EXT2: variants seen among roughly 807,000 people sequenced by gnomAD.
EXT2 encodes exostosin-2.
A neutral mutation model predicts 81.6 loss-of-function variants in EXT2; 53 were observed. That is an observed-to-expected ratio of 0.65 (90% CI 0.52 to 0.82). The LOEUF (loss-of-function observed/expected upper bound fraction) is 0.82. EXT2 is among the 40% of genes least tolerant of loss of function. EXT2 has a pLI of 0.00. For synonymous variants in EXT2, 320 were observed against 340.0 expected (o/e 0.94, Z 0.65); for missense variants, 774 against 910.2 (o/e 0.85, Z 1.93).
intron 1 of EXT2, among the ~76,000 whole-genome samples, chr11:44,096,620 G>A (rs934370023): frequency 3.3e-5 from 5 of 152,190 alleles, no homozygotes; most frequent in Non-Finnish European, 7.3e-5. Context: ...CCAGGGGCAT[G>A]TTAGTCTCGG....
At chr11:44,175,479 C>T (rs1236122152) in intron 8 of EXT2, among the ~76,000 whole-genome samples, 1 of 151,318 alleles carries the variant, frequency 6.6e-6, no homozygotes, top group African/African-American at 2.4e-5. Flanking sequence ...TGCTTTTCAT[C>T]CTCTGTGCCT....
rs368042276 is a variant in EXT2 at position 44,110,413 on chromosome 11, A to G, written c.626+1130A>G. On this transcript the variant is annotated intron_variant, in intron 3 of 13. Coordinates refer to ENST00000533608, the MANE Select transcript of EXT2 (RefSeq NM_207122.2). ...ACGATAGAGGGCAGTCCGGGTGCAC[A>G]AATGCTGTAGGAAGTGGCTGAACAC... Among the ~76,000 whole-genome samples, 7 of 152,300 alleles carry G rather than the reference A, an allele frequency of 4.6e-5. No homozygotes were observed. The South Asian group carries it at 8.3e-4, about 18-fold the overall frequency.
At chr11:44,100,275 G>T (rs1953962862) in intron 1 of EXT2, among the ~76,000 whole-genome samples, 2 of 152,180 alleles carry the variant, frequency 1.3e-5, no homozygotes, top group Non-Finnish European at 2.9e-5. Context: ...CAAGGTCGTT[G>T]GTACTAGAAG....
rs182821399 is a variant in EXT2 at position 44,244,059 on chromosome 11, A to G, written c.2019-90A>G. 29 of 1,212,826 alleles carry G rather than the reference A, an allele frequency of 2.4e-5. No individual in the cohort carries two copies. The Admixed American group carries it at 2.7e-4, about 11-fold the overall frequency. 75.1% of individuals were successfully genotyped at this position (1,212,826 alleles called of 1,614,324 possible). Reference sequence around the variant, plus strand: ...TTATGTATTTTGCTGTTATCTCTCAACCTCTTGAACATACTATCTTTTCTC... The same window carrying G: ...TTATGTATTTTGCTGTTATCTCTCAGCCTCTTGAACATACTATCTTTTCTC... On this transcript the variant is annotated intron_variant, in intron 13 of 13. Transcript: ENST00000533608.
chr11:44,226,453 A>G (rs1223266176), intron 10 of EXT2, among the ~76,000 whole-genome samples: 1 of 152,246 alleles, frequency 6.6e-6, no homozygotes, highest in Non-Finnish European at 1.5e-5. Context: ...ATTGTGTCCC[A>G]GGAGTGAATG....
chr11:44,207,669 T>C (rs959395419), intron 10 of EXT2, among the ~76,000 whole-genome samples: 2 of 152,208 alleles, frequency 1.3e-5, no homozygotes, highest in East Asian at 1.9e-4. Context: ...CATTTAGCTA[T>C]AGCTGGCTCA....
chr11:44,150,060 G>C (rs1219739064), intron 7 of EXT2, among the ~76,000 whole-genome samples: 1 of 152,196 alleles, frequency 6.6e-6, no homozygotes, highest in Non-Finnish European at 1.5e-5. Flanking sequence ...CTGGAAGATT[G>C]TGTAGAGCCT....
At chr11:44,165,180 C>T (rs1386100714) in intron 7 of EXT2, among the ~76,000 whole-genome samples, 1 of 152,190 alleles carries the variant, frequency 6.6e-6, no homozygotes, top group Non-Finnish European at 1.5e-5. Flanking sequence ...GCCCGGCCCA[C>T]ACTTTTAAGA....
Position 44,250,944 on chromosome 11 carries a change from G to C in EXT2, c.*6657G>C, listed in dbSNP as rs1956133135. 6.6e-6 allele frequency among the ~76,000 whole-genome samples: 1 copy of C among 152,192 alleles called. No individual in the cohort carries two copies. Among genetic ancestry groups the C allele is most frequent in the Admixed American group, 6.5e-5 (1 of 15,276 alleles). Reference sequence around the variant, plus strand: ...AGGTAATTAACGAAAATTGTACATTGGTGGCAGCACCTCCTATAGGATTTC... The same window carrying C: ...AGGTAATTAACGAAAATTGTACATTCGTGGCAGCACCTCCTATAGGATTTC... On this transcript the variant is annotated 3_prime_UTR_variant, in exon 14 of 14. Transcript: ENST00000533608.
At chr11:44,181,057 C>T (rs2863052) in intron 8 of EXT2, among the ~76,000 whole-genome samples, 86,552 of 151,510 alleles carry the variant, frequency 0.57, 25,176 homozygotes, top group Middle Eastern at 0.71. Context: ...GCCGAGTTCG[C>T]ACCATTGCAC....
chr11:44,157,870 C>T (rs1460219183), intron 7 of EXT2, among the ~76,000 whole-genome samples: 1 of 152,198 alleles, frequency 6.6e-6, no homozygotes, highest in African/African-American at 2.4e-5. Context: ...TTACCCAGGG[C>T]CCACAGTGAG....
intron 10 of EXT2, among the ~76,000 whole-genome samples, chr11:44,207,980 A>G (rs1426822768): frequency 6.6e-6 from 1 of 152,172 alleles, no homozygotes; most frequent in Admixed American, 6.5e-5. Flanking sequence ...TAATAGATTG[A>G]TGTGCGATGC....
chr11:44,158,388 GT>G (rs1443862574), intron 7 of EXT2, among the ~76,000 whole-genome samples: 1 of 152,080 alleles, frequency 6.6e-6, no homozygotes, highest in South Asian at 2.1e-4. Context: ...GGAACAAACT[GT>G]TATTTTTTCT....
At chr11:44,233,565 T>C (rs772854459) in intron 11 of EXT2, among the ~76,000 whole-genome samples, 13 of 152,200 alleles carry the variant, frequency 8.5e-5, no homozygotes, top group Non-Finnish European at 1.6e-4. Context: ...TAAACAATCA[T>C]AACTTGTCTG....
Position 44,098,182 on chromosome 11 carries a change from G to GC in EXT2, c.-31+2331dup, listed in dbSNP as rs377377818. On this transcript the variant is annotated intron_variant, in intron 1 of 13. Coordinates refer to ENST00000533608, the MANE Select transcript of EXT2 (RefSeq NM_207122.2). ...GATTTTAACTTCTTGGTGGTAGGGA[G>GC]CAGTCTCACTGGACAGAGAGATTAT... 2.1e-3 allele frequency among the ~76,000 whole-genome samples: 319 copies of GC among 152,286 alleles called. 2 individuals are homozygous for GC. Among genetic ancestry groups the GC allele is most frequent in the African/African-American group, 7.3e-3 (304 of 41,558 alleles).
intron 7 of EXT2, among the ~76,000 whole-genome samples, chr11:44,143,277 T>C (rs541274189): frequency 6.6e-6 from 1 of 152,348 alleles, no homozygotes; most frequent in South Asian, 2.1e-4. Flanking sequence ...GATTAGAAAC[T>C]ATAGAAGAGA....
chr11:44,183,611 T>C (rs1955267062), intron 8 of EXT2, among the ~76,000 whole-genome samples: 2 of 152,210 alleles, frequency 1.3e-5, no homozygotes, highest in Non-Finnish European at 2.9e-5. Flanking sequence ...GTCTCTCAGC[T>C]TTGTTTTGTT....
chr11:44,167,936 G>T (rs1955016641), intron 7 of EXT2, among the ~76,000 whole-genome samples: 1 of 151,660 alleles, frequency 6.6e-6, no homozygotes, highest in Non-Finnish European at 1.5e-5. Context: ...CTAGCATTAG[G>T]TATATCTCCC....
intron 8 of EXT2, among the ~76,000 whole-genome samples, chr11:44,183,727 C>T (rs1590628894): frequency 6.6e-6 from 1 of 151,730 alleles, no homozygotes; most frequent in African/African-American, 2.4e-5. Flanking sequence ...GTGTTTTTTA[C>T]CCATTCATCA....
Sources: allele counts gnomAD v4.1 joint callset (sites outside exome capture counted in the v4.1 genomes callset), GRCh38; gene constraint gnomAD v4.1.1; transcripts MANE v1.5; gene names NCBI Gene and HGNC (gene_info 2026-07-23, HGNC 2026-07-21).